The following TRIM7 variants were observed in gnomAD, a reference collection of about 807,000 sequenced individuals.
The protein encoded by TRIM7 is E3 ubiquitin-protein ligase TRIM7.
A neutral mutation model predicts 37.9 loss-of-function variants in TRIM7; 32 were observed. The ratio of observed to expected loss-of-function variants is 0.84; its 90% CI spans 0.64 to 1.13. The LOEUF (loss-of-function observed/expected upper bound fraction) is 1.13, where lower values mean the gene tolerates loss of function less well. TRIM7 is among the 50% of genes most tolerant of loss of function. TRIM7 has a pLI of 0.00. For synonymous variants in TRIM7, 351 were observed against 321.3 expected (o/e 1.09, Z -0.99); for missense variants, 732 against 714.0 (o/e 1.03, Z -0.29).
At chr5:181,199,730 G>T in intron 3 of TRIM7, 121 bp downstream of exon 3, 1 of 1,435,956 alleles carries the variant, frequency 7.0e-7, no homozygotes, top group Non-Finnish European at 9.1e-7. Flanking sequence ...CTTCTCTCCA[G>T]TCCCCTTCAG....
chr5:181,204,900 C>T lies in TRIM7; in HGVS notation c.211G>A (p.Ala71Thr). The change falls in exon 1 of 7, where the codon GCG becomes ACG. Residue 71 changes from alanine (A) to threonine (T), a missense_variant. Coordinates refer to ENST00000274773, the MANE Select transcript of TRIM7 (RefSeq NM_203293.3). Reference protein sequence around the residue: ...GAGSVGAATRAPPFPLPCPQC... With the variant: ...GAGSVGAATRTPPFPLPCPQC... Reference sequence around the variant, plus strand: ...GGACAGGGCAGTGGGAAGGGGGGCGCGCGGGTGGCGGCCCCAACAGACCCC... The same window carrying T: ...GGACAGGGCAGTGGGAAGGGGGGCGTGCGGGTGGCGGCCCCAACAGACCCC... 1.5e-6 allele frequency: 2 copies of T among 1,370,852 alleles called. No homozygotes were observed. The highest frequency in any genetic ancestry group is 1.5e-5 in the African/African-American group (1 of 65,192). 84.9% of individuals were successfully genotyped at this position (1,370,852 alleles called of 1,614,324 possible). A position where few individuals can be genotyped will look rare whatever the true frequency, so the allele number is the denominator to read the frequency against.
Position 181,195,167 on chromosome 5 carries a change from C to G in TRIM7, c.1535G>C (p.Ter512SerextTer101), listed in dbSNP as rs148602621. The change falls in exon 7 of 7, where the codon TGA (stop) becomes TCA (serine). Residue 512 changes from the stop codon to serine (S), a stop_lost. Transcript: ENST00000274773. ...ACAGGAGCTCCCCAGCAGTGCCCCT[C>G]AAGGCCAGATTCGCAAGTAGGTGCC... is the stretch of plus-strand genomic sequence containing the variant. The part of the protein sequence containing the change: ...STGTYLRIWP[*>S] 3.4e-4 allele frequency: 545 copies of G among 1,593,790 alleles called. 1 individual carries two copies. In the African/African-American group the frequency reaches 4.6e-3, roughly 13 times the overall value.
chr5:181,205,140 G>T lies in TRIM7; in HGVS notation c.-30C>A, dbSNP rs987971122. On this transcript the variant is annotated 5_prime_UTR_variant, in exon 1 of 7. Coordinates refer to ENST00000274773, the MANE Select transcript of TRIM7 (RefSeq NM_203293.3). ...GCTCTCCGCGCACCCAGATCTGGTC[G>T]CGCCTGGGCGGCCACTGGACCTCAC... 4.1e-5 allele frequency: 52 copies of T among 1,281,238 alleles called. No individual in the cohort carries two copies. The highest frequency in any genetic ancestry group is 4.9e-5 in the Non-Finnish European group (50 of 1,013,910). The allele number at this position is 1,281,238 out of a possible 1,614,324, so 79.4% of individuals were successfully genotyped here.
At chr5:181,203,288 G>A (rs951333699) in intron 2 of TRIM7, 4 of 1,308,194 alleles carry the variant, frequency 3.1e-6, no homozygotes, top group South Asian at 4.8e-5. Context: ...GTGACTGAGC[G>A]TCCTGATTCG....
At chr5:181,204,210 A>C in intron 1 of TRIM7, 3 of 1,023,496 alleles carry the variant, frequency 2.9e-6, no homozygotes, top group East Asian at 1.7e-4. Context: ...GAAAGAGATA[A>C]GAGTGGGGGC....
Position 181,195,118 on chromosome 5 carries a change from TCCCCTCCCA to T in TRIM7, c.*39_*47del, listed in dbSNP as rs1433991303. 2 of 1,548,178 alleles carry T rather than the reference TCCCCTCCCA, an allele frequency of 1.3e-6. No individual in the cohort carries two copies. Among genetic ancestry groups the T allele is most frequent in the African/African-American group, 2.7e-5 (2 of 73,190 alleles). On this transcript the variant is annotated 3_prime_UTR_variant, in exon 7 of 7. Transcript: ENST00000274773. ...ACCAGGCATCTCTGGGGAGGCGACA[TCCCCTCCCA>T]CCGGCAGCCCAGAGACAGGAGCTCC...
In TRIM7 at chr5:181,198,762, C is replaced by T. The variant is rs781611089; in HGVS notation, c.916G>A (p.Glu306Lys). 3 of 1,614,124 alleles carry T rather than the reference C, an allele frequency of 1.9e-6. No individual in the cohort carries two copies. Among genetic ancestry groups the T allele is most frequent in the South Asian group, 1.1e-5 (1 of 91,058 alleles). Reference protein sequence around the residue: ...PGPKPTTVSSEMKNKVWNVSL... With the variant: ...PGPKPTTVSSKMKNKVWNVSL... ...ACATTCCAGACTTTATTCTTCATCT[C>T]AGAAGAGACTGTGGTTGGCTTGGGG... Residue 306 changes from glutamate (E) to lysine (K), a missense_variant, in exon 5 of 7, where the codon GAG (glutamate) becomes AAG (lysine). Glu to Lys is a moderately conservative substitution (Grantham distance 56). Coordinates refer to ENST00000274773, the MANE Select transcript of TRIM7 (RefSeq NM_203293.3).
At chr5:181,199,016 G>T (rs1368902587) in intron 4 of TRIM7, 79 bp downstream of exon 4, 3 of 1,574,986 alleles carry the variant, frequency 1.9e-6, no homozygotes, top group Non-Finnish European at 2.6e-6. Flanking sequence ...AGAGGTCAGG[G>T]GACAGGGAAT....
chr5:181,200,535 T>C (rs1757419065), intron 2 of TRIM7: 1 of 1,047,736 alleles, frequency 9.5e-7, no homozygotes, highest in East Asian at 8.0e-5. Flanking sequence ...ATCTTTCCTG[T>C]TTAGCAGTTA....
chr5:181,201,947 G>T (rs1189235775), intron 2 of TRIM7, among the ~76,000 whole-genome samples: 9 of 152,256 alleles, frequency 5.9e-5, no homozygotes, highest in African/African-American at 1.7e-4. Flanking sequence ...AGGGATGAAG[G>T]TCTAGAGGGT....
chr5:181,204,241 G>A (rs376161250), intron 1 of TRIM7: 2 of 1,059,502 alleles, frequency 1.9e-6, no homozygotes, highest in East Asian at 6.5e-5. Context: ...TGGCTGTGCC[G>A]GAGACTTCCC....
rs917793157 is a variant in TRIM7, at chr5:181,203,929, G to A, written c.523-289C>T. 1.2e-5 allele frequency: 14 copies of A among 1,166,392 alleles called. No individual in the cohort carries two copies. In the African/African-American group the frequency reaches 2.2e-4, roughly 19 times the overall value. 72.3% of individuals were successfully genotyped at this position (1,166,392 alleles called of 1,614,324 possible). A position where few individuals can be genotyped will look rare whatever the true frequency, so the allele number is the denominator to read the frequency against. On this transcript the variant is annotated intron_variant, in intron 1 of 6. Coordinates refer to ENST00000274773, the MANE Select transcript of TRIM7 (RefSeq NM_203293.3). ...CTCCGCCCCCCCACCAGGAAGCCCC[G>A]TGGCTGGGAGAGTTGGAGCAGGATG... is the stretch of plus-strand genomic sequence containing the variant.
intron 6 of TRIM7, chr5:181,197,482 C>T (rs746125583): frequency 2.3e-4 from 35 of 152,678 alleles, no homozygotes; most frequent in Admixed American, 3.9e-4. Flanking sequence ...GCAAAGGCCC[C>T]GGGATGGGTG....
In TRIM7 at chr5:181,205,086, C is replaced by T. The variant is rs748728945; in HGVS notation, c.25G>A (p.Gly9Ser). 13 of 1,349,648 alleles carry T rather than the reference C, an allele frequency of 9.6e-6. No individual in the cohort carries two copies. The highest frequency in any genetic ancestry group is 1.2e-5 in the Non-Finnish European group (13 of 1,053,566). 83.6% of individuals were successfully genotyped at this position (1,349,648 alleles called of 1,614,324 possible). A position where few individuals can be genotyped will look rare whatever the true frequency, so the allele number is the denominator to read the frequency against. MAAVGPRTGPGTGAEALAL... is the reference protein window; with the variant it reads MAAVGPRTSPGTGAEALAL... ...AGAGCCTCGGCGCCGGTTCCGGGGCCGGTCCGCGGTCCCACAGCCGCCATG... is the reference window on the plus strand; with the variant it reads ...AGAGCCTCGGCGCCGGTTCCGGGGCTGGTCCGCGGTCCCACAGCCGCCATG... Residue 9 changes from glycine to serine, a missense_variant, in exon 1 of 7, where the codon GGC (glycine) becomes AGC (serine). Gly to Ser is a moderately conservative substitution (Grantham distance 56). Coordinates refer to ENST00000274773, the MANE Select transcript of TRIM7 (RefSeq NM_203293.3).
At chr5:181,202,111 G>A (rs1285690604) in intron 2 of TRIM7, 2 of 152,230 alleles carry the variant, frequency 1.3e-5, no homozygotes, top group African/African-American at 4.8e-5. Flanking sequence ...CATTGAGGAT[G>A]GGAGGGTCCT....
In TRIM7 at chr5:181,195,357, C is replaced by G. The variant is rs764659374; in HGVS notation, c.1345G>C (p.Glu449Gln). The G allele has an allele frequency of 8.2e-6, 13 of 1,579,320 alleles. No homozygotes were observed. The highest frequency in any genetic ancestry group is 1.3e-5 in the African/African-American group (1 of 74,078). ...GGQYWAVTSP[E>Q]RSPLSCGHLS... The stretch of plus-strand genomic sequence containing the variant: ...TGCCCGCAGCTGAGGGGCGACCGCT[C>G]GGGGCTGGTCACGGCCCAGTACTGG... Residue 449 changes from glutamate to glutamine, a missense_variant, in exon 7 of 7, where the codon GAG becomes CAG. Physicochemically the swap from Glu to Gln is conservative, Grantham distance 29. Coordinates refer to ENST00000274773, the MANE Select transcript of TRIM7 (RefSeq NM_203293.3).
At chr5:181,200,136 G>T (rs1757387773) in intron 2 of TRIM7, 55 bp from the exon 3 acceptor site, 1 of 1,614,094 alleles carries the variant, frequency 6.2e-7, no homozygotes, top group East Asian at 2.2e-5. Context: ...ATAACATTTG[G>T]CCAGTGGCCT....
rs148141625 is a variant in TRIM7, at chr5:181,199,155, G to A, written c.850-38C>T. The stretch of plus-strand genomic sequence containing the variant: ...ATAGAGGAAACCAAATCAGCATCAG[G>A]TAACCTCCATTCACCTCTGAGAAAC... On this transcript the variant is annotated intron_variant, in intron 3 of 6. Coordinates refer to ENST00000274773, the MANE Select transcript of TRIM7 (RefSeq NM_203293.3). The A allele has an allele frequency of 1.8e-3, 2,906 of 1,613,772 alleles. 5 individuals are homozygous for A. Among genetic ancestry groups the A allele is most frequent in the Middle Eastern group, 3.8e-3 (23 of 6,062 alleles).
Position 181,204,596 on chromosome 5 carries a change from T to G in TRIM7, c.515A>C (p.Glu172Ala). The G allele has an allele frequency of 7.0e-7, 1 of 1,437,688 alleles. No homozygotes were observed. The highest frequency in any genetic ancestry group is 1.5e-5 in the South Asian group (1 of 67,938). The allele number at this position is 1,437,688 out of a possible 1,614,324, so 89.1% of individuals were successfully genotyped here. ...AVLPLDEAVQ[E>A]AKELLESRLR... The stretch of plus-strand genomic sequence containing the variant: ...GGTGGGGGCTGCGCTCACCTTGGCC[T>G]CCTGCACCGCCTCGTCCAGCGGCAG... Residue 172 changes from glutamate (E) to alanine (A), a missense_variant, in exon 1 of 7, where the codon GAG becomes GCG. Transcript: ENST00000274773.
Sources: gnomAD v4.1 joint callset for allele counts (sites outside exome capture counted in the v4.1 genomes callset) on GRCh38, gnomAD v4.1.1 for gene constraint, MANE v1.5 for transcripts, NCBI Gene and HGNC (gene_info 2026-07-23, HGNC 2026-07-21) for gene names.